PCMTD1: variants seen among roughly 807,000 people sequenced by gnomAD.
PCMTD1 encodes protein-L-isoaspartate O-methyltransferase domain-containing protein 1.
In PCMTD1, 12 loss-of-function variants were observed where a neutral mutation model predicts 37.6. The observed-to-expected ratio is 0.32, with a 90% CI of 0.20 to 0.52. The LOEUF (loss-of-function observed/expected upper bound fraction) is 0.52, where lower values mean the gene tolerates loss of function less well. Among genes scored for constraint, PCMTD1 ranks in the 20% least tolerant of loss-of-function variants. The probability of loss-of-function intolerance (pLI) is 0.97; values close to 1 mark genes in which losing one functional copy is unlikely to be tolerated. For synonymous variants in PCMTD1, 117 were observed against 135.8 expected, an observed-to-expected ratio of 0.86 and a Z score of 0.96; for missense variants, 235 against 421.3, an observed-to-expected ratio of 0.56 and a Z score of 3.87.
At chr8:51,858,381 T>TA (rs2038422305) in intron 2 of PCMTD1, among the ~76,000 whole-genome samples, 1 of 152,214 alleles carries the variant, frequency 6.6e-6, no homozygotes, top group African/African-American at 2.4e-5. Context: ...GCCATAGTGT[T>TA]ATAGTTTTTT....
At chr8:51,834,912 C>T (rs2038048580) in intron 3 of PCMTD1, among the ~76,000 whole-genome samples, 1 of 151,998 alleles carries the variant, frequency 6.6e-6, no homozygotes, top group South Asian at 2.1e-4. Context: ...TCTTCATGCC[C>T]CCACGCTAAG....
intron 1 of PCMTD1, among the ~76,000 whole-genome samples, chr8:51,884,954 C>T (rs961525292): frequency 3.9e-5 from 6 of 152,138 alleles, no homozygotes; most frequent in African/African-American, 1.4e-4. Context: ...ATTTCTATAT[C>T]CTGTAGCACT....
At chr8:51,858,274 A>C (rs1364302325) in intron 2 of PCMTD1, among the ~76,000 whole-genome samples, 1 of 151,660 alleles carries the variant, frequency 6.6e-6, no homozygotes, top group Non-Finnish European at 1.5e-5. Context: ...GGACTCCCCC[A>C]GAGTTTACTA....
intron 5 of PCMTD1, among the ~76,000 whole-genome samples, chr8:51,825,189 C>T (rs545357000): frequency 6.6e-6 from 1 of 152,276 alleles, no homozygotes; most frequent in South Asian, 2.1e-4. Flanking sequence ...CCAAAATTGA[C>T]AAATTGTATC....
intron 1 of PCMTD1, among the ~76,000 whole-genome samples, chr8:51,887,885 G>A (rs988840204): frequency 6.6e-6 from 1 of 151,798 alleles, no homozygotes; most frequent in African/African-American, 2.4e-5. Context: ...GGGATTACAG[G>A]CACGTGCCAA....
In PCMTD1 at chr8:51,871,028, T is replaced by G. The variant is rs1197729830; in HGVS notation, c.-95-9782A>C. Among the ~76,000 whole-genome samples, 6 of 152,276 alleles carry G rather than the reference T, an allele frequency of 3.9e-5. No individual in the cohort carries two copies. The South Asian group carries it at 1.2e-3, about 32-fold the overall frequency. ...TTAAATAGTACACTGAATATAAAGT[T>G]TCTAACATATAGCTGGTCCAATAAT... On this transcript the variant is annotated intron_variant, in intron 1 of 5. Transcript: ENST00000522514.
At chr8:51,870,571 A>G (rs2129289447) in intron 1 of PCMTD1, among the ~76,000 whole-genome samples, 1 of 152,292 alleles carries the variant, frequency 6.6e-6, no homozygotes, top group African/African-American at 2.4e-5. Flanking sequence ...GCAATTTCCT[A>G]TGTGCCTACT....
intron 1 of PCMTD1, among the ~76,000 whole-genome samples, chr8:51,883,294 C>T (rs927713024): frequency 6.6e-6 from 1 of 152,042 alleles, no homozygotes; most frequent in East Asian, 1.9e-4. Context: ...TTTTCCATGG[C>T]CTGAATTAAA....
intron 3 of PCMTD1, among the ~76,000 whole-genome samples, chr8:51,844,082 C>T (rs1486723572): frequency 1.3e-5 from 2 of 152,094 alleles, no homozygotes; most frequent in Non-Finnish European, 2.9e-5. Context: ...TATAAAAATA[C>T]ATTCATGACT....
intron 5 of PCMTD1, among the ~76,000 whole-genome samples, chr8:51,824,368 G>A (rs1170142218): frequency 3.3e-5 from 5 of 152,164 alleles, no homozygotes; most frequent in African/African-American, 4.8e-5. Flanking sequence ...CAAAATCAAC[G>A]TGCAAAAATC....
chr8:51,858,128 C>T (rs2038417913), intron 2 of PCMTD1, among the ~76,000 whole-genome samples: 1 of 152,066 alleles, frequency 6.6e-6, no homozygotes, highest in East Asian at 1.9e-4. Flanking sequence ...ACTGTGTTAC[C>T]AAATCACAGA....
At chr8:51,826,466 C>A (rs1335169267) in intron 5 of PCMTD1, among the ~76,000 whole-genome samples, 7 of 152,060 alleles carry the variant, frequency 4.6e-5, no homozygotes, top group Non-Finnish European at 1.0e-4. Context: ...CACATGTATA[C>A]CTATGTAACA....
chr8:51,842,767 A>G (rs1360246195), intron 3 of PCMTD1, among the ~76,000 whole-genome samples: 1 of 152,180 alleles, frequency 6.6e-6, no homozygotes, highest in Non-Finnish European at 1.5e-5. Context: ...ATGCAATTCA[A>G]ATCATGACAT....
At chr8:51,858,719 GAAC>G (rs1209227607) in intron 2 of PCMTD1, among the ~76,000 whole-genome samples, 3 of 152,048 alleles carry the variant, frequency 2.0e-5, no homozygotes, top group Non-Finnish European at 2.9e-5. Context: ...ATCAAAACGA[GAAC>G]AACTATATCT....
rs2038897724 is a variant in PCMTD1 at position 51,888,756 on chromosome 8, T to A, written c.-96+10174A>T. The stretch of plus-strand genomic sequence containing the variant: ...AAATACTCCTTTAAGTTGCAAAGAT[T>A]AAAAACAAAGTAATGAAAGTCTTTA... On this transcript the variant is annotated intron_variant, in intron 1 of 5. Transcript: ENST00000522514. 2.0e-5 allele frequency among the ~76,000 whole-genome samples: 3 copies of A among 152,314 alleles called. No homozygotes were observed. The South Asian group carries it at 6.2e-4, about 32-fold the overall frequency.
At chr8:51,871,479 C>A (rs957542194) in intron 1 of PCMTD1, among the ~76,000 whole-genome samples, 1 of 152,176 alleles carries the variant, frequency 6.6e-6, no homozygotes, top group Non-Finnish European at 1.5e-5. Context: ...CAGTCAGATA[C>A]CAAAACTCTT....
chr8:51,867,956 A>G (rs923999404), intron 1 of PCMTD1, among the ~76,000 whole-genome samples: 1 of 152,170 alleles, frequency 6.6e-6, no homozygotes, highest in Non-Finnish European at 1.5e-5. Context: ...TTGCTGAAAC[A>G]ATTATTGCTG....
intron 2 of PCMTD1, chr8:51,849,766 C>T: frequency 3.3e-6 from 1 of 299,916 alleles, no homozygotes; most frequent in African/African-American, 2.1e-5. Context: ...CCCAAGCTTG[C>T]ACATAAAAGT....
chr8:51,823,012 G>A (rs13257067), intron 5 of PCMTD1, among the ~76,000 whole-genome samples: 104,492 of 152,090 alleles, frequency 0.69, 42,373 homozygotes, highest in Non-Finnish European at 0.9. Flanking sequence ...AACACTGTGT[G>A]CTATTCCAGC....
Sources: gnomAD v4.1 joint callset for allele counts (sites outside exome capture counted in the v4.1 genomes callset) on GRCh38, gnomAD v4.1.1 for gene constraint, MANE v1.5 for transcripts, NCBI Gene and HGNC (gene_info 2026-07-23, HGNC 2026-07-21) for gene names.